Variants in PLPPR1 observed in about 807,000 individuals in gnomAD.
PLPPR1 encodes the protein phospholipid phosphatase-related protein type 1.
PLPPR1 carries 10 observed loss-of-function variants against 33.1 expected under a neutral mutation model. That is an observed-to-expected ratio of 0.30 (90% CI 0.19 to 0.51). The LOEUF (loss-of-function observed/expected upper bound fraction) is 0.51. PLPPR1 is among the 20% of genes least tolerant of loss of function. PLPPR1 has a pLI of 0.97. For synonymous variants in PLPPR1, 151 were observed against 151.0 expected (o/e 1.00, Z 0.00); for missense variants, 304 against 408.1 (o/e 0.74, Z 2.20).
chr9:101,075,417 T>C (rs1247093793), intron 1 of PLPPR1, among the ~76,000 whole-genome samples: 1 of 152,226 alleles, frequency 6.6e-6, no homozygotes, highest in Non-Finnish European at 1.5e-5. Flanking sequence ...TTCCACCAGC[T>C]TTGTACTAAA....
At chr9:101,061,932 C>A (rs925551408) in intron 1 of PLPPR1, among the ~76,000 whole-genome samples, 2 of 151,912 alleles carry the variant, frequency 1.3e-5, no homozygotes, top group African/African-American at 4.8e-5. Context: ...TGGCTTGAGT[C>A]TAGAATCTTC....
chr9:101,048,570 A>G (rs966221898), intron 1 of PLPPR1, among the ~76,000 whole-genome samples: 4 of 152,246 alleles, frequency 2.6e-5, no homozygotes, highest in Admixed American at 6.5e-5. Flanking sequence ...ACAATAAGCC[A>G]AAAATCACTT....
intron 2 of PLPPR1, among the ~76,000 whole-genome samples, chr9:101,223,767 G>C (rs1304167532): frequency 6.6e-6 from 1 of 152,090 alleles, no homozygotes; most frequent in African/African-American, 2.4e-5. Context: ...ATGCAGAACT[G>C]AGTCAATTAA....
intron 1 of PLPPR1, among the ~76,000 whole-genome samples, chr9:101,063,837 C>A (rs562128226): frequency 1.3e-5 from 2 of 152,212 alleles, no homozygotes; most frequent in Non-Finnish European, 2.9e-5. Flanking sequence ...CAGCGCTTAC[C>A]ATAATTGGCC....
intron 1 of PLPPR1, among the ~76,000 whole-genome samples, chr9:101,136,493 G>T (rs1203857379): frequency 6.6e-6 from 1 of 152,132 alleles, no homozygotes; most frequent in Non-Finnish European, 1.5e-5. Context: ...CTGACTTTAA[G>T]CTGCTTTTAT....
At chr9:101,273,216 T>C (rs1438955923) in intron 3 of PLPPR1, among the ~76,000 whole-genome samples, 7 of 152,200 alleles carry the variant, frequency 4.6e-5, no homozygotes. Flanking sequence ...ATAATATGTA[T>C]CAATTATGTC....
chr9:101,125,207 C>A (rs547657929), intron 1 of PLPPR1, among the ~76,000 whole-genome samples: 1 of 152,104 alleles, frequency 6.6e-6, no homozygotes, highest in Non-Finnish European at 1.5e-5. Context: ...CCCTATCTGT[C>A]CCTGTGGTAC....
intron 1 of PLPPR1, among the ~76,000 whole-genome samples, chr9:101,126,620 G>A (rs902234639): frequency 3.3e-5 from 5 of 152,204 alleles, no homozygotes; most frequent in Admixed American, 6.5e-5. Context: ...TAATGTTGCA[G>A]CTACAGGAGT....
chr9:101,063,846 C>T lies in PLPPR1; in HGVS notation c.-46+34744C>T, dbSNP rs535858786. On this transcript the variant is annotated intron_variant, in intron 1 of 7. Coordinates refer to ENST00000374874, the MANE Select transcript of PLPPR1 (RefSeq NM_207299.2). ...TCTTTACAGCGCTTACCATAATTGG[C>T]CATCATTTGATCTGTTTACTTCCTT... Among the ~76,000 whole-genome samples the T allele has an allele frequency of 1.7e-4, 26 of 152,214 alleles. No individual in the cohort carries two copies. The South Asian group carries it at 4.6e-3, about 27-fold the overall frequency.
intron 2 of PLPPR1, among the ~76,000 whole-genome samples, chr9:101,237,837 GC>G (rs755643659): frequency 3.1e-4 from 11 of 35,028 alleles, no homozygotes; most frequent in African/African-American, 1.2e-3. Context: ...ATATATATAT[GC>G]TATATATGTG....
intron 2 of PLPPR1, among the ~76,000 whole-genome samples, chr9:101,237,680 A>T (rs1162562931): frequency 6.9e-6 from 1 of 144,828 alleles, no homozygotes; most frequent in Admixed American, 7.0e-5. Flanking sequence ...ATATATATAC[A>T]TATATATATA....
intron 1 of PLPPR1, among the ~76,000 whole-genome samples, chr9:101,080,500 G>GT (rs1314120858): frequency 6.6e-6 from 1 of 152,118 alleles, no homozygotes; most frequent in East Asian, 1.9e-4. Flanking sequence ...GGGCAACAGA[G>GT]TAAGACCCTG....
chr9:101,058,071 C>T (rs1243626863), intron 1 of PLPPR1, among the ~76,000 whole-genome samples: 1 of 152,062 alleles, frequency 6.6e-6, no homozygotes, highest in Non-Finnish European at 1.5e-5. Flanking sequence ...AGTGTGGAAC[C>T]AGAGCCTTCT....
chr9:101,242,104 G>T (rs1416764807), intron 2 of PLPPR1, among the ~76,000 whole-genome samples: 3 of 151,954 alleles, frequency 2.0e-5, no homozygotes, highest in African/African-American at 7.2e-5. Context: ...CTAGGAGTTT[G>T]CTGGCACTAA....
At chr9:101,204,331 A>G (rs1826550263) in intron 2 of PLPPR1, among the ~76,000 whole-genome samples, 1 of 152,166 alleles carries the variant, frequency 6.6e-6, no homozygotes, top group Non-Finnish European at 1.5e-5. Context: ...CAAGATAAGC[A>G]TGAAAATCAT....
intron 1 of PLPPR1, among the ~76,000 whole-genome samples, chr9:101,129,105 G>T (rs989409604): frequency 6.6e-6 from 1 of 152,058 alleles, no homozygotes; most frequent in East Asian, 1.9e-4. Flanking sequence ...ACCATATAGG[G>T]TAGAGTTCCT....
intron 4 of PLPPR1, among the ~76,000 whole-genome samples, chr9:101,291,139 C>A (rs953208351): frequency 5.3e-5 from 8 of 152,238 alleles, no homozygotes; most frequent in African/African-American, 1.9e-4. Context: ...AGATTATATC[C>A]CTCACATGGC....
At chr9:101,321,582 T>C (rs983598608) in intron 7 of PLPPR1, among the ~76,000 whole-genome samples, 33 of 152,102 alleles carry the variant, frequency 2.2e-4, no homozygotes, top group African/African-American at 7.7e-4. Context: ...CCACTCACAA[T>C]GTACATGAGC....
At chr9:101,288,552 G>A (rs1427768842) in intron 4 of PLPPR1, among the ~76,000 whole-genome samples, 1 of 150,888 alleles carries the variant, frequency 6.6e-6, no homozygotes, top group African/African-American at 2.5e-5. Flanking sequence ...GGATTGCTGG[G>A]TTTAGTAAAA....
Sources: gnomAD v4.1 joint callset for allele counts (sites outside exome capture counted in the v4.1 genomes callset) on GRCh38, gnomAD v4.1.1 for gene constraint, MANE v1.5 for transcripts, NCBI Gene and HGNC (gene_info 2026-07-23, HGNC 2026-07-21) for gene names.